Variants in CENPF observed in about 807,000 individuals in gnomAD.
CENPF encodes the protein centromere protein F, also known as AH antigen.
Under a neutral mutation model 307.3 loss-of-function variants are expected in CENPF, and 214 were observed. That is an observed-to-expected ratio of 0.70 (90% CI 0.62 to 0.78). The LOEUF (loss-of-function observed/expected upper bound fraction) is 0.78. Ranked by LOEUF, CENPF falls within the 30% of genes least tolerant of loss-of-function variation. The pLI is 0.00. For synonymous variants in CENPF, 1,259 were observed against 1,270.6 expected (o/e 0.99, Z 0.19); for missense variants, 3,401 against 3,483.9 (o/e 0.98, Z 0.60).
intron 1 of CENPF, chr1:214,606,119 C>T (rs1657023098): frequency 1.7e-5 from 26 of 1,548,232 alleles, no homozygotes; most frequent in Middle Eastern, 2.3e-4. Flanking sequence ...GCCTCCGACG[C>T]GCGCGCACCC....
At chr1:214,639,898 G>A in intron 11 of CENPF, 23 bp from the exon 12 acceptor site, 2 of 1,450,296 alleles carry the variant, frequency 1.4e-6, no homozygotes, top group Non-Finnish European at 1.8e-6. Flanking sequence ...AAACATTGAC[G>A]ACTTTTATTT....
At position 214,657,411 on chromosome 1, in the gene CENPF, T is replaced by C. The variant is rs751577416; in HGVS notation, c.8962+2T>C. 9.5e-6 allele frequency: 15 copies of C among 1,581,846 alleles called. 1 individual carries two copies. The highest frequency in any genetic ancestry group is 1.2e-5 in the Non-Finnish European group (14 of 1,161,410). On this transcript the variant is annotated splice_donor_variant, in intron 18 of 19. Coordinates refer to ENST00000366955, the MANE Select transcript of CENPF (RefSeq NM_016343.4). LOFTEE classifies it high-confidence loss of function. ...GACTTCCAGAAGTTGTAAAGAAAGG[T>C]ATGCCTAATTTAAAGACAAAATTAT... is the stretch of plus-strand genomic sequence containing the variant.
chr1:214,639,861 C>T (rs1042441973), intron 11 of CENPF, 60 bp from the exon 12 acceptor site: 98 of 1,259,402 alleles, frequency 7.8e-5, no homozygotes, highest in Non-Finnish European at 9.7e-5. Flanking sequence ...GAGGGGTTAG[C>T]GTTTCTGTAG....
intron 10 of CENPF, 55 bp downstream of exon 10, chr1:214,632,657 G>C (rs1186503125): frequency 9.4e-6 from 15 of 1,595,472 alleles, no homozygotes; most frequent in Non-Finnish European, 1.3e-5. Flanking sequence ...AAGTGCAAGG[G>C]GAAAAGAATA....
chr1:214,650,111 A>G (rs77816631), intron 14 of CENPF, among the ~76,000 whole-genome samples: 4,103 of 152,242 alleles, frequency 0.027, 81 homozygotes, highest in Middle Eastern at 0.088. Context: ...AAACAACCTA[A>G]TTTAGATAGG....
At chr1:214,608,645 A>C in intron 1 of CENPF, 2 of 1,603,404 alleles carry the variant, frequency 1.2e-6, no homozygotes, top group South Asian at 2.2e-5. Flanking sequence ...TGCAGCTTCC[A>C]GCGCCCGGGT....
intron 10 of CENPF, among the ~76,000 whole-genome samples, chr1:214,636,956 A>T (rs1657981331): frequency 6.6e-6 from 1 of 152,192 alleles, no homozygotes; most frequent in African/African-American, 2.4e-5. Flanking sequence ...TGTGAGTCTT[A>T]TGTGGTTAAT....
intron 1 of CENPF, chr1:214,606,044 C>G: frequency 3.8e-6 from 6 of 1,595,474 alleles, no homozygotes; most frequent in Middle Eastern, 4.5e-4. Context: ...GATGCTCTGC[C>G]CGTACAGGAT....
rs190988947 is a variant in CENPF, at chr1:214,614,680, A to G, written c.163-152A>G. The G allele has an allele frequency of 3.5e-4, 177 of 498,728 alleles. 2 individuals carry two copies. The allele number at this position is 498,728 out of a possible 1,614,324, so 30.9% of individuals were successfully genotyped here. On this transcript the variant is annotated intron_variant, in intron 2 of 19. Coordinates refer to ENST00000366955, the MANE Select transcript of CENPF (RefSeq NM_016343.4). The stretch of plus-strand genomic sequence containing the variant: ...AAGAAGTTTCCTATCTATTGGCTTC[A>G]AAGTGTGATCATCTAAAATTTCTGT...
In CENPF at chr1:214,643,033, G is replaced by C; in HGVS notation, c.4695G>C (p.Lys1565Asn). 2 of 1,610,476 alleles carry C rather than the reference G, an allele frequency of 1.2e-6. No individual in the cohort carries two copies. The highest frequency in any genetic ancestry group is 1.7e-6 in the Non-Finnish European group (2 of 1,179,020). ...AGGTGTACCGGCAGTCCCTCGAGAA[G>C]CTAGAAGAGAAAATGGAAAGTCAAG... ...LCEVYRQSLE[K>N]LEEKMESQGI... The change falls in exon 12 of 20, where the codon AAG becomes AAC. Residue 1565 changes from lysine (K) to asparagine (N), a missense_variant. Physicochemically the swap from Lys to Asn is moderately conservative, Grantham distance 94. Coordinates refer to ENST00000366955, the MANE Select transcript of CENPF (RefSeq NM_016343.4).
At chr1:214,637,820 C>T (rs749812208) in intron 10 of CENPF, 46 bp from the exon 11 acceptor site, 4 of 1,578,940 alleles carry the variant, frequency 2.5e-6, no homozygotes, top group South Asian at 2.4e-5. Context: ...TCATAACTTA[C>T]TTGAGCATTC....
Position 214,651,758 on chromosome 1 carries a change from C to G in CENPF, c.8032C>G (p.Leu2678Val), listed in dbSNP as rs1558189537. The G allele has an allele frequency of 3.1e-6, 5 of 1,611,546 alleles. No homozygotes were observed. The highest frequency in any genetic ancestry group is 3.4e-6 in the Non-Finnish European group (4 of 1,179,126). Reference sequence around the variant, plus strand: ...AGAAAATAGTGAATTGAAGAAGAGCCTAGATTGCATGCACAAAGACCAGGT... The same window carrying G: ...AGAAAATAGTGAATTGAAGAAGAGCGTAGATTGCATGCACAAAGACCAGGT... ...TLENSELKKS[L>V]DCMHKDQVEK... is the part of the protein sequence containing the mutation. The change falls in exon 15 of 20, where the codon CTA becomes GTA. Residue 2678 changes from leucine (L) to valine (V), a missense_variant. Transcript: ENST00000366955.
rs1658248724 is a variant in CENPF at position 214,645,047 on chromosome 1, T to C, written c.5477T>C (p.Ile1826Thr). Residue 1826 changes from isoleucine (I) to threonine (T), a missense_variant, in exon 13 of 20, where the codon ATA becomes ACA. Physicochemically the swap from Ile to Thr is moderately conservative, Grantham distance 89. Coordinates refer to ENST00000366955, the MANE Select transcript of CENPF (RefSeq NM_016343.4). ...CTAATGACCAAAATTGAAGCATGCA[T>C]AGAATTGGAAAAAATAGTTGGGGAA... is the stretch of plus-strand genomic sequence containing the variant. ...VQLMTKIEAC[I>T]ELEKIVGELK... 6.2e-7 allele frequency: 1 copy of C among 1,613,724 alleles called. No individual in the cohort carries two copies. The highest frequency in any genetic ancestry group is 8.5e-7 in the Non-Finnish European group (1 of 1,179,952).
chr1:214,640,913 A>G lies in CENPF; in HGVS notation c.2575A>G (p.Ile859Val). Residue 859 changes from isoleucine (I) to valine (V), a missense_variant, in exon 12 of 20, where the codon ATC becomes GTC. Physicochemically the swap from Ile to Val is conservative, Grantham distance 29. Coordinates refer to ENST00000366955, the MANE Select transcript of CENPF (RefSeq NM_016343.4). ...LQKQCEELVQ[I>V]KGEIEENLMK... is the part of the protein sequence containing the mutation. ...AAAGCAGTGTGAAGAGTTGGTGCAA[A>G]TCAAAGGAGAAATAGAAGAAAATCT... 6.2e-7 allele frequency: 1 copy of G among 1,607,536 alleles called. No individual in the cohort carries two copies. The highest frequency in any genetic ancestry group is 2.2e-5 in the East Asian group (1 of 44,834).
Position 214,651,732 on chromosome 1 carries a change from T to A in CENPF, c.8006T>A (p.Leu2669Gln). 1 of 1,597,926 alleles carries A rather than the reference T, an allele frequency of 6.3e-7. No individual in the cohort carries two copies. The highest frequency in any genetic ancestry group is 8.5e-7 in the Non-Finnish European group (1 of 1,175,616). Residue 2669 changes from leucine (L) to glutamine (Q), a missense_variant, in exon 15 of 20, where the codon CTA (leucine) becomes CAA (glutamine). By Grantham distance (113) the Leu-to-Gln change is moderately radical. Coordinates refer to ENST00000366955, the MANE Select transcript of CENPF (RefSeq NM_016343.4). ...SSKDQLKELT[L>Q]ENSELKKSLD... Reference sequence around the variant, plus strand: ...TAGGATCAATTGAAGGAGCTCACACTAGAAAATAGTGAATTGAAGAAGAGC... The same window carrying A: ...TAGGATCAATTGAAGGAGCTCACACAAGAAAATAGTGAATTGAAGAAGAGC...
In CENPF at chr1:214,646,789, C is replaced by T. The variant is rs376076886; in HGVS notation, c.7219C>T (p.Arg2407Ter). The change falls in exon 13 of 20, where the codon CGA becomes TGA. Residue 2407 changes from arginine (R) to a stop codon, truncating the protein, a stop_gained. Transcript: ENST00000366955. LOFTEE classifies it high-confidence loss of function. ...LTNELQKEQE[R>*]ISELEIINSS... ...AAATGAATTACAAAAAGAGCAAGAG[C>T]GAATATCTGAATTAGAAATAATAAA... 3.2e-4 allele frequency: 514 copies of T among 1,610,718 alleles called. No individual in the cohort carries two copies. Among genetic ancestry groups the T allele is most frequent in the Non-Finnish European group, 4.3e-4 (506 of 1,178,676 alleles).
intron 3 of CENPF, 47 bp downstream of exon 3, chr1:214,615,075 A>T (rs1039045475): frequency 8.5e-6 from 11 of 1,297,244 alleles, no homozygotes; most frequent in Non-Finnish European, 1.2e-5. Context: ...TGTATGTATT[A>T]ATCAGATGCG....
chr1:214,640,673 G>T lies in CENPF; in HGVS notation c.2335G>T (p.Asp779Tyr). The T allele has an allele frequency of 8.1e-6, 13 of 1,614,044 alleles. No individual in the cohort carries two copies. Among genetic ancestry groups the T allele is most frequent in the Non-Finnish European group, 1.1e-5 (13 of 1,179,986 alleles). ...SKDASLVTNE[D>Y]HQRSLLAFDQ... ...AGATGCTTCTCTGGTGACAAATGAA[G>T]ATCATCAGAGAAGTCTTTTGGCTTT... Residue 779 changes from aspartate to tyrosine, a missense_variant, in exon 12 of 20, where the codon GAT (aspartate) becomes TAT (tyrosine). By Grantham distance (160) the Asp-to-Tyr change is radical. Transcript: ENST00000366955.
intron 1 of CENPF, among the ~76,000 whole-genome samples, chr1:214,611,501 G>T (rs1657199796): frequency 1.3e-5 from 2 of 152,112 alleles, no homozygotes; most frequent in African/African-American, 2.4e-5. Flanking sequence ...GAGTAGCTGG[G>T]ATTACAGGCG....
Sources: gnomAD v4.1 joint callset for allele counts (sites outside exome capture counted in the v4.1 genomes callset) on GRCh38, gnomAD v4.1.1 for gene constraint, MANE v1.5 for transcripts, NCBI Gene and HGNC (gene_info 2026-07-23, HGNC 2026-07-21) for gene names.